The following ABCC6 variants were observed in gnomAD, a reference collection of about 807,000 sequenced individuals.
ABCC6 encodes ATP binding cassette subfamily C member 6.
Under a neutral mutation model 169.5 loss-of-function variants are expected in ABCC6, and 126 were observed. The ratio of observed to expected loss-of-function variants is 0.74; its 90% CI spans 0.64 to 0.86. The LOEUF (loss-of-function observed/expected upper bound fraction) is 0.86. ABCC6 is among the 40% of genes least tolerant of loss of function. The probability of loss-of-function intolerance (pLI) is 0.00; values close to 1 mark genes in which losing one functional copy is unlikely to be tolerated. For missense variants in ABCC6, 1,733 were observed against 1,927.2 expected (o/e 0.90, Z 1.89); for synonymous variants, 752 against 814.7 (o/e 0.92, Z 1.31).
intron 7 of ABCC6, 47 bp from the exon 8 acceptor site, chr16:16,203,660 AGCC>A (rs1339911364): frequency 6.2e-7 from 1 of 1,609,006 alleles, no homozygotes; most frequent in Non-Finnish European, 8.5e-7. Context: ...TTATACTCTC[AGCC>A]GCCAGCGGCA....
At chr16:16,201,946 C>T in intron 9 of ABCC6, 55 bp downstream of exon 9, 1 of 1,607,782 alleles carries the variant, frequency 6.2e-7, no homozygotes, top group African/African-American at 1.3e-5. Context: ...ACTGCCCGCT[C>T]AGTGATACTG....
chr16:16,179,034 G>T (rs2047384535), intron 17 of ABCC6, 69 bp from the exon 18 acceptor site: 2 of 1,526,036 alleles, frequency 1.3e-6, no homozygotes, highest in Non-Finnish European at 1.8e-6. Context: ...CCCAGGCTGT[G>T]GCAGGTCAGG....
intron 17 of ABCC6, among the ~76,000 whole-genome samples, chr16:16,181,533 G>A (rs775480636): frequency 5.5e-4 from 83 of 152,214 alleles, no homozygotes; most frequent in Non-Finnish European, 9.6e-4. Flanking sequence ...GCAGTGCAAA[G>A]GCCCTGGGGC....
At position 16,208,732 on chromosome 16, in the gene ABCC6, G is replaced by A. The variant is rs376409933; in HGVS notation, c.790C>T (p.Arg264Trp). 22 of 1,613,108 alleles carry A rather than the reference G, an allele frequency of 1.4e-5. No homozygotes were observed. The highest frequency in any genetic ancestry group is 8.0e-5 in the African/African-American group (6 of 74,764). ...TCTTGACCTCCACCCACTTACCTCC[G>A]GGCTGCACTGCGGTTCCTCATCCAC... The part of the protein sequence containing the change: ...KEWMRNRSAA[R>W]RHNKAIAFKR... The change falls in exon 7 of 31, where the codon CGG becomes TGG. Residue 264 changes from arginine to tryptophan, a missense_variant. Transcript: ENST00000205557.
chr16:16,180,628 G>T (rs954153854), intron 17 of ABCC6, among the ~76,000 whole-genome samples: 1 of 152,038 alleles, frequency 6.6e-6, no homozygotes, highest in Non-Finnish European at 1.5e-5. Context: ...AAGTAGCTGG[G>T]ATTACAGGTA....
intron 21 of ABCC6, among the ~76,000 whole-genome samples, chr16:16,171,421 A>G (rs759362877): frequency 6.6e-6 from 1 of 152,182 alleles, no homozygotes; most frequent in Non-Finnish European, 1.5e-5. Flanking sequence ...GTTATTGGAC[A>G]TAGCTTACTT....
At chr16:16,191,106 C>T (rs1462121869) in intron 11 of ABCC6, among the ~76,000 whole-genome samples, 5 of 151,622 alleles carry the variant, frequency 3.3e-5, no homozygotes, top group African/African-American at 1.2e-4. Context: ...ATCAGAGGGG[C>T]AGCTGCCTGG....
At chr16:16,187,775 G>A (rs2047696225) in intron 13 of ABCC6, among the ~76,000 whole-genome samples, 1 of 152,056 alleles carries the variant, frequency 6.6e-6, no homozygotes, top group African/African-American at 2.4e-5. Flanking sequence ...CATGCCTGTA[G>A]TCCCAGCTAC....
intron 22 of ABCC6, among the ~76,000 whole-genome samples, chr16:16,168,808 C>T (rs1333917682): frequency 6.6e-5 from 10 of 151,964 alleles, no homozygotes; most frequent in Admixed American, 2.6e-4. Flanking sequence ...GGGCCGGGTG[C>T]GGGGGCTCAC....
intron 9 of ABCC6, among the ~76,000 whole-genome samples, chr16:16,198,643 G>T (rs1316002591): frequency 1.3e-5 from 2 of 151,662 alleles, no homozygotes; most frequent in Non-Finnish European, 2.9e-5. Flanking sequence ...GATCCCAGGA[G>T]TTCGAAACCA....
chr16:16,154,524 T>G (rs2046477069), intron 29 of ABCC6, 104 bp downstream of exon 29: 1 of 1,405,510 alleles, frequency 7.1e-7, no homozygotes, highest in Non-Finnish European at 9.9e-7. Context: ...TGTAACAGAG[T>G]GATAATCCTA....
Position 16,150,162 on chromosome 16 carries a change from T to C in ABCC6, c.4483A>G (p.Arg1495Gly). The C allele has an allele frequency of 9.3e-6, 15 of 1,613,196 alleles. No individual in the cohort carries two copies. Among genetic ancestry groups the C allele is most frequent in the Non-Finnish European group, 1.3e-5 (15 of 1,180,030 alleles). Residue 1495 changes from arginine (R) to glycine (G), a missense_variant, in exon 31 of 31, where the codon AGA (arginine) becomes GGA (glycine). This residue lies in a region of ABCC6 where 1,601 missense variants were observed against 1,635.5 expected (regional missense o/e 0.98). Transcript: ENST00000205557. Reference protein sequence around the residue: ...QLLAQKGLFYRLAQESGLV With the variant: ...QLLAQKGLFYGLAQESGLV ...ACCAGGCCTGACTCCTGGGCCAGTC[T>C]GTAAAACAGGCCCTTCTGGGCCAGC...
At position 16,192,936 on chromosome 16, in the gene ABCC6, G is replaced by T; in HGVS notation, c.1339-14C>A. The T allele has an allele frequency of 6.2e-7, 1 of 1,611,538 alleles. No homozygotes were observed. ...GGGCCCCAGGAGCTGGGGATAGAAG[G>T]GGCAGGATGTCAGGAGATCCCGAGG... On this transcript the variant is annotated splice_polypyrimidine_tract_variant and intron_variant, in intron 10 of 30. Coordinates refer to ENST00000205557, the MANE Select transcript of ABCC6 (RefSeq NM_001171.6).
intron 7 of ABCC6, among the ~76,000 whole-genome samples, chr16:16,207,604 C>A (rs1183139986): frequency 6.6e-6 from 1 of 152,066 alleles, no homozygotes; most frequent in Non-Finnish European, 1.5e-5. Context: ...TCTGCAACAA[C>A]TACCACAAAA....
chr16:16,215,439 G>GTA (rs1567544823), intron 4 of ABCC6, among the ~76,000 whole-genome samples: 1 of 19,300 alleles, frequency 5.2e-5, no homozygotes, highest in Non-Finnish European at 9.6e-5. Flanking sequence ...TTAATTTTAG[G>GTA]TGTGTGTGTG....
intron 8 of ABCC6, among the ~76,000 whole-genome samples, chr16:16,203,198 A>G (rs1043109559): frequency 1.8e-4 from 28 of 152,362 alleles, no homozygotes; most frequent in Admixed American, 4.6e-4. Flanking sequence ...TAATTGATGC[A>G]GTCAGGTAAG....
intron 17 of ABCC6, 24 bp downstream of exon 17, chr16:16,182,388 C>T: frequency 6.2e-7 from 1 of 1,612,998 alleles, no homozygotes; most frequent in Non-Finnish European, 8.5e-7. Context: ...TCTCCCTGTC[C>T]CAAAAAGACC....
At position 16,165,796 on chromosome 16, in the gene ABCC6, G is replaced by C. The variant is rs1463864897; in HGVS notation, c.3133C>G (p.Leu1045Val). The C allele has an allele frequency of 3.1e-6, 5 of 1,613,640 alleles. No individual in the cohort carries two copies. Among genetic ancestry groups the C allele is most frequent in the Non-Finnish European group, 4.2e-6 (5 of 1,180,046 alleles). ...FFERTPIGHL[L>V]NRFSKETDTV... is the part of the protein sequence containing the mutation. Reference sequence around the variant, plus strand: ...TCTGTCTCCTTGGAGAAGCGGTTTAGCAGGTGACCAATGGGTGTCCGCTCA... The same window carrying C: ...TCTGTCTCCTTGGAGAAGCGGTTTACCAGGTGACCAATGGGTGTCCGCTCA... The change falls in exon 23 of 31, where the codon CTA (leucine) becomes GTA (valine). Residue 1045 changes from leucine (L) to valine (V), a missense_variant. Physicochemically the swap from Leu to Val is conservative, Grantham distance 32. Coordinates refer to ENST00000205557, the MANE Select transcript of ABCC6 (RefSeq NM_001171.6).
intron 19 of ABCC6, among the ~76,000 whole-genome samples, chr16:16,176,727 C>CT (rs1054882005): frequency 1.3e-5 from 2 of 152,192 alleles, no homozygotes; most frequent in African/African-American, 4.8e-5. Context: ...AACACATTCT[C>CT]TGGAATCAAG....
Sources: allele counts gnomAD v4.1 joint callset (sites outside exome capture counted in the v4.1 genomes callset), GRCh38; gene constraint gnomAD v4.1.1; regional missense constraint gnomAD v4.1.1; transcripts MANE v1.5; gene names NCBI Gene and HGNC (gene_info 2026-07-23, HGNC 2026-07-21).